Variants in WDFY2 observed in about 807,000 individuals in gnomAD.
WDFY2 encodes the protein WD repeat and FYVE domain containing 2, also known as WD repeat and FYVE domain-containing protein 2.
WDFY2 carries 36 observed loss-of-function variants against 56.4 expected under a neutral mutation model. That is an observed-to-expected ratio of 0.64 (90% CI 0.49 to 0.84). The LOEUF (loss-of-function observed/expected upper bound fraction) is 0.84. Ranked by LOEUF, WDFY2 falls within the 40% of genes least tolerant of loss-of-function variation. WDFY2 has a pLI of 0.00. For missense variants in WDFY2, 444 were observed against 512.2 expected, an observed-to-expected ratio of 0.87 and a Z score of 1.29; for synonymous variants, 176 against 183.7, an observed-to-expected ratio of 0.96 and a Z score of 0.34.
Position 51,584,835 on chromosome 13 carries a change from C to CT in WDFY2, c.137+12dup. On this transcript the variant is annotated intron_variant, in intron 1 of 11. Coordinates refer to ENST00000298125, the MANE Select transcript of WDFY2 (RefSeq NM_052950.4). ...CGTCTCCGAGGACAGGTATGGACTACTGCCATTCGGCCGCGAGGAGGGGCG... is the reference window on the plus strand; with the variant it reads ...CGTCTCCGAGGACAGGTATGGACTACTTGCCATTCGGCCGCGAGGAGGGGCG... The CT allele has an allele frequency of 6.2e-7, 1 of 1,613,054 alleles. No individual in the cohort carries two copies. Among genetic ancestry groups the CT allele is most frequent in the East Asian group, 2.2e-5 (1 of 44,846 alleles).
intron 4 of WDFY2, among the ~76,000 whole-genome samples, chr13:51,717,592 C>T (rs1025949901): frequency 6.6e-6 from 1 of 151,968 alleles, no homozygotes; most frequent in Non-Finnish European, 1.5e-5. Context: ...CCACTTTCTG[C>T]TTGAAATCGA....
At chr13:51,617,388 G>A (rs1954638249) in intron 1 of WDFY2, among the ~76,000 whole-genome samples, 1 of 151,602 alleles carries the variant, frequency 6.6e-6, no homozygotes, top group Non-Finnish European at 1.5e-5. Context: ...TGCCCAGGCT[G>A]GAGTGTAGTG....
intron 3 of WDFY2, among the ~76,000 whole-genome samples, chr13:51,695,525 C>A (rs1951849757): frequency 6.6e-6 from 1 of 152,210 alleles, no homozygotes; most frequent in African/African-American, 2.4e-5. Flanking sequence ...ATGCTGCTGT[C>A]TGATCATTCC....
In WDFY2 at chr13:51,763,628, T is replaced by A. The variant is rs1170954270; in HGVS notation, c.*3859T>A. 6.6e-6 allele frequency: 1 copy of A among 152,098 alleles called. No individual in the cohort carries two copies. Among genetic ancestry groups the A allele is most frequent in the African/African-American group, 2.4e-5 (1 of 41,374 alleles). The allele number at this position is 152,098 out of a possible 1,614,324, so 9.4% of individuals were successfully genotyped here. A position where few individuals can be genotyped will look rare whatever the true frequency, so the allele number is the denominator to read the frequency against. Reference sequence around the variant, plus strand: ...GCCTGGGCCACACAGCAAGATCCTGTCACTACCAAAAATTCAAAACTTAGT... The same window carrying A: ...GCCTGGGCCACACAGCAAGATCCTGACACTACCAAAAATTCAAAACTTAGT... On this transcript the variant is annotated 3_prime_UTR_variant, in exon 12 of 12. Transcript: ENST00000298125.
chr13:51,667,840 T>C (rs994999962), intron 2 of WDFY2, among the ~76,000 whole-genome samples: 5 of 151,370 alleles, frequency 3.3e-5, no homozygotes, highest in African/African-American at 4.9e-5. Flanking sequence ...ATCTTTTAAT[T>C]CTGTATTTAC....
intron 8 of WDFY2, among the ~76,000 whole-genome samples, chr13:51,752,221 C>T (rs1158522759): frequency 6.6e-6 from 1 of 152,172 alleles, no homozygotes; most frequent in Non-Finnish European, 1.5e-5. Context: ...CAATGTCATG[C>T]CTTTTCAAAT....
chr13:51,716,780 A>G (rs1275773566), intron 4 of WDFY2, among the ~76,000 whole-genome samples: 1 of 150,546 alleles, frequency 6.6e-6, no homozygotes, highest in African/African-American at 2.4e-5. Flanking sequence ...CTCTCATGAA[A>G]AAAAAAAAAA....
chr13:51,643,726 C>G (rs1321523237), intron 1 of WDFY2, among the ~76,000 whole-genome samples: 1 of 152,098 alleles, frequency 6.6e-6, no homozygotes, highest in Non-Finnish European at 1.5e-5. Flanking sequence ...CTGCTACTTC[C>G]TTGTGGGTTC....
chr13:51,661,199 A>G (rs1188760477), intron 2 of WDFY2, among the ~76,000 whole-genome samples: 1 of 152,202 alleles, frequency 6.6e-6, no homozygotes, highest in Non-Finnish European at 1.5e-5. Context: ...TCTTCCAAGT[A>G]CACTTTTAAA....
intron 1 of WDFY2, chr13:51,598,694 GT>G (rs1246954592): frequency 6.6e-6 from 1 of 152,084 alleles, no homozygotes; most frequent in Non-Finnish European, 1.5e-5. Context: ...AATATATATG[GT>G]TATGCCGGAG....
intron 2 of WDFY2, among the ~76,000 whole-genome samples, chr13:51,663,330 A>G (rs1312027066): frequency 1.3e-5 from 2 of 152,238 alleles, no homozygotes; most frequent in Non-Finnish European, 2.9e-5. Context: ...TATACATGCT[A>G]GTCAATCAGA....
chr13:51,674,761 G>T (rs1199448766), intron 2 of WDFY2, among the ~76,000 whole-genome samples: 4 of 152,114 alleles, frequency 2.6e-5, no homozygotes, highest in South Asian at 4.1e-4. Flanking sequence ...GGGATAATAA[G>T]ATCTTTCTTT....
rs1951854205 is a variant in WDFY2 at position 51,695,661 on chromosome 13, G to T, written c.280-7935G>T. Among the ~76,000 whole-genome samples, 3 of 152,234 alleles carry T rather than the reference G, an allele frequency of 2.0e-5. No homozygotes were observed. The South Asian group carries it at 6.2e-4, about 31-fold the overall frequency. ...AGGGACCCACCTGAGGAGGCAGTCT[G>T]CCTGTTCTCAGATCTCTAGCTGTGT... is the stretch of plus-strand genomic sequence containing the variant. On this transcript the variant is annotated intron_variant, in intron 3 of 11. Transcript: ENST00000298125.
Position 51,584,547 on chromosome 13 carries a change from A to T in WDFY2, c.-141A>T, listed in dbSNP as rs947957360. On this transcript the variant is annotated 5_prime_UTR_variant, in exon 1 of 12. Coordinates refer to ENST00000298125, the MANE Select transcript of WDFY2 (RefSeq NM_052950.4). ...GGAGTCGTTCCCGAGAGAGGCGGCC[A>T]GGCTATGCTCGCCGGTTTCCGGCGT... The T allele has an allele frequency of 8.4e-7, 1 of 1,188,904 alleles. No individual in the cohort carries two copies. Among genetic ancestry groups the T allele is most frequent in the African/African-American group, 1.6e-5 (1 of 63,928 alleles). The allele number at this position is 1,188,904 out of a possible 1,614,324, so 73.6% of individuals were successfully genotyped here.
intron 2 of WDFY2, among the ~76,000 whole-genome samples, chr13:51,664,851 A>G (rs1321728781): frequency 6.6e-6 from 1 of 152,206 alleles, no homozygotes; most frequent in African/African-American, 2.4e-5. Flanking sequence ...GCATGTAAAG[A>G]AGGAAAACAA....
chr13:51,601,828 T>C (rs1954289644), intron 1 of WDFY2, among the ~76,000 whole-genome samples: 1 of 152,188 alleles, frequency 6.6e-6, no homozygotes. Flanking sequence ...TGGAAGAAGA[T>C]GCAGAGGCAT....
At chr13:51,725,242 A>T (rs1300528259) in intron 5 of WDFY2, among the ~76,000 whole-genome samples, 1 of 152,224 alleles carries the variant, frequency 6.6e-6, no homozygotes, top group African/African-American at 2.4e-5. Context: ...AATGAGCAAT[A>T]CTAAATAACA....
intron 1 of WDFY2, among the ~76,000 whole-genome samples, chr13:51,601,822 A>G (rs1297464350): frequency 6.6e-6 from 1 of 152,216 alleles, no homozygotes. Context: ...GCGCTCTGGA[A>G]GAAGATGCAG....
At chr13:51,593,035 G>A (rs1823251991) in intron 1 of WDFY2, among the ~76,000 whole-genome samples, 1 of 152,152 alleles carries the variant, frequency 6.6e-6, no homozygotes, top group African/African-American at 2.4e-5. Context: ...GTGACTGTTA[G>A]TATTTCATAT....
Sources: gnomAD v4.1 joint callset for allele counts (sites outside exome capture counted in the v4.1 genomes callset) on GRCh38, gnomAD v4.1.1 for gene constraint, MANE v1.5 for transcripts, NCBI Gene and HGNC (gene_info 2026-07-23, HGNC 2026-07-21) for gene names.